PCGF5: variants seen among roughly 807,000 people sequenced by gnomAD.
The protein encoded by PCGF5 is polycomb group ring finger 5.
Under a neutral mutation model 44.3 loss-of-function variants are expected in PCGF5, and 9 were observed. The observed-to-expected ratio is 0.20, with a 90% CI of 0.12 to 0.35. PCGF5 has a LOEUF of 0.35. Ranked by LOEUF, PCGF5 falls within the 10% of genes least tolerant of loss-of-function variation. The pLI is 1.00. For synonymous variants in PCGF5, 95 were observed against 102.5 expected, an observed-to-expected ratio of 0.93 and a Z score of 0.44; for missense variants, 146 against 305.3, an observed-to-expected ratio of 0.48 and a Z score of 3.89.
chr10:91,275,031 A>G lies in PCGF5; in HGVS notation c.724-3238A>G, dbSNP rs150808844. ...AAAATATAGTTGAAGAACTGATCTC[A>G]GAGTGGGGATGGCCTTTCACGTTGT... On this transcript the variant is annotated intron_variant, in intron 9 of 9. Transcript: ENST00000336126. Among the ~76,000 whole-genome samples the G allele has an allele frequency of 1.5e-3, 232 of 152,332 alleles. 1 individual carries two copies. The highest frequency in any genetic ancestry group is 0.014 in the Middle Eastern group (4 of 294).
In PCGF5 at chr10:91,279,688, T is replaced by C. The variant is rs1267944245; in HGVS notation, c.*1372T>C. ...TGCTTTGAAACAAACAAGCTAACCT[T>C]TGAAACTTAGGAAAAAATCTTGAAA... On this transcript the variant is annotated 3_prime_UTR_variant, in exon 10 of 10. Transcript: ENST00000336126. The C allele has an allele frequency of 6.6e-6, 1 of 152,128 alleles. No homozygotes were observed. The highest frequency in any genetic ancestry group is 1.5e-5 in the Non-Finnish European group (1 of 67,964). The allele number at this position is 152,128 out of a possible 1,614,324, so 9.4% of individuals were successfully genotyped here. A position where few individuals can be genotyped will look rare whatever the true frequency, so the allele number is the denominator to read the frequency against.
intron 1 of PCGF5, among the ~76,000 whole-genome samples, chr10:91,202,835 T>G (rs932890858): frequency 6.6e-6 from 1 of 152,242 alleles, no homozygotes; most frequent in Non-Finnish European, 1.5e-5. Context: ...CTTTTAGATG[T>G]ATTTATGTTG....
In PCGF5 at chr10:91,220,715, G is replaced by C. The variant is rs975455442; in HGVS notation, c.-305G>C. 4 of 152,246 alleles carry C rather than the reference G, an allele frequency of 2.6e-5. No individual in the cohort carries two copies. Among genetic ancestry groups the C allele is most frequent in the African/African-American group, 9.7e-5 (4 of 41,416 alleles). The allele number at this position is 152,246 out of a possible 1,614,324, so 9.4% of individuals were successfully genotyped here. A position where few individuals can be genotyped will look rare whatever the true frequency, so the allele number is the denominator to read the frequency against. ...GAGCCGGCGCGCTCCCGCCTGCAGG[G>C]GGAGAGCAGACGGGGCGCGGGGACC... On this transcript the variant is annotated 5_prime_UTR_variant, in exon 1 of 10. Coordinates refer to ENST00000336126, the MANE Select transcript of PCGF5 (RefSeq NM_032373.5).
At chr10:91,233,109 C>A (rs1487861472) in intron 2 of PCGF5, among the ~76,000 whole-genome samples, 7 of 152,240 alleles carry the variant, frequency 4.6e-5, no homozygotes, top group Middle Eastern at 3.4e-3. Flanking sequence ...AAGAGTGACA[C>A]TATCAAGGGT....
intron 7 of PCGF5, among the ~76,000 whole-genome samples, chr10:91,262,272 A>G (rs1406783990): frequency 6.6e-6 from 1 of 152,078 alleles, no homozygotes; most frequent in Non-Finnish European, 1.5e-5. Flanking sequence ...CTAAAAATAT[A>G]AAAATTAGCC....
chr10:91,247,236 C>A (rs1031173581), intron 3 of PCGF5, among the ~76,000 whole-genome samples: 5 of 151,510 alleles, frequency 3.3e-5, no homozygotes, highest in Non-Finnish European at 7.4e-5. Context: ...TTAGACAACA[C>A]TGTCAAACTG....
At chr10:91,168,990 A>G (rs1278122480) in intron 1 of PCGF5, among the ~76,000 whole-genome samples, 2 of 148,424 alleles carry the variant, frequency 1.3e-5, no homozygotes, top group African/African-American at 4.9e-5. Flanking sequence ...CATTGTGCGT[A>G]GAGTGGTTGC....
At chr10:91,264,183 A>G (rs1845993501) in intron 7 of PCGF5, among the ~76,000 whole-genome samples, 1 of 152,156 alleles carries the variant, frequency 6.6e-6, no homozygotes, top group Admixed American at 6.6e-5. Flanking sequence ...AATTATGTGT[A>G]TGAACTTGAG....
rs1284810268 is a variant in PCGF5 at position 91,213,063 on chromosome 10, T to C, written c.-183-9626T>C. On this transcript the variant is annotated intron_variant, in intron 1 of 9. Coordinates refer to the PCGF5 transcript ENST00000614189. ...TATCTTATTCTGAATATTATAGATG[T>C]TTCCATATCTGGTATAGAGAGTGTT... Among the ~76,000 whole-genome samples the C allele has an allele frequency of 2.0e-5, 3 of 152,356 alleles. No homozygotes were observed. In the East Asian group the frequency reaches 5.8e-4, roughly 29 times the overall value.
upstream of PCGF5, among the ~76,000 whole-genome samples, chr10:91,216,340 G>A (rs952386494): frequency 1.3e-5 from 2 of 152,178 alleles, no homozygotes; most frequent in African/African-American, 4.8e-5. Context: ...AGGGTGAGGG[G>A]ATAAAGACAG....
chr10:91,262,623 G>A (rs1000857841), intron 7 of PCGF5, among the ~76,000 whole-genome samples: 3 of 152,166 alleles, frequency 2.0e-5, no homozygotes, highest in Admixed American at 1.3e-4. Flanking sequence ...CGCTGATCCT[G>A]AGCTTATTTG....
rs1844722191 is a variant in PCGF5, at chr10:91,222,982, A to G, written c.111A>G (p.Thr37=). ...CAACAGTGACGGAATGCCTCCATAC[A>G]TGTAAGTATTCTTTTAGGTTATTAT... is the stretch of plus-strand genomic sequence containing the variant. The part of the protein sequence containing the change: ...KPTTVTECLH[T]FCKTCIVQHF... The change falls in exon 2 of 10, where the codon ACA becomes ACG. Residue 37 remains threonine, a splice_region_variant and synonymous_variant. Coordinates refer to ENST00000336126, the MANE Select transcript of PCGF5 (RefSeq NM_032373.5). The G allele has an allele frequency of 1.3e-6, 2 of 1,561,264 alleles. No homozygotes were observed. Among genetic ancestry groups the G allele is most frequent in the East Asian group, 2.2e-5 (1 of 44,584 alleles).
chr10:91,159,284 A>G (rs943914142), upstream of PCGF5, among the ~76,000 whole-genome samples: 4 of 152,158 alleles, frequency 2.6e-5, no homozygotes, highest in Non-Finnish European at 5.9e-5. Flanking sequence ...AGTACTGTCT[A>G]TATGCCAGGC....
intron 1 of PCGF5, among the ~76,000 whole-genome samples, chr10:91,195,594 C>T (rs969463994): frequency 3.3e-5 from 5 of 151,642 alleles, no homozygotes; most frequent in African/African-American, 1.2e-4. Flanking sequence ...AAGTAATCCT[C>T]CACCTCATTT....
At chr10:91,263,155 A>G (rs1372679416) in intron 7 of PCGF5, among the ~76,000 whole-genome samples, 1 of 152,176 alleles carries the variant, frequency 6.6e-6, no homozygotes, top group Non-Finnish European at 1.5e-5. Context: ...GGGATTATTT[A>G]ATGAAATACC....
chr10:91,200,730 A>G (rs1844236607), intron 1 of PCGF5, among the ~76,000 whole-genome samples: 1 of 152,136 alleles, frequency 6.6e-6, no homozygotes, highest in African/African-American at 2.4e-5. Flanking sequence ...AGTTTATCCT[A>G]TATTCATCAC....
upstream of PCGF5, among the ~76,000 whole-genome samples, chr10:91,162,784 G>A (rs1242378306): frequency 6.6e-6 from 1 of 151,012 alleles, no homozygotes; most frequent in East Asian, 2.0e-4. Context: ...ATCAGGGAGT[G>A]CGGGCTGTGC....
chr10:91,235,573 C>T (rs956242316), intron 2 of PCGF5, among the ~76,000 whole-genome samples: 4 of 151,816 alleles, frequency 2.6e-5, no homozygotes, highest in African/African-American at 7.3e-5. Context: ...GCATGGTGGC[C>T]GATATGGTTT....
intron 1 of PCGF5, among the ~76,000 whole-genome samples, chr10:91,211,709 G>A (rs1844455361): frequency 6.6e-6 from 1 of 152,180 alleles, no homozygotes. Context: ...GGAGGAGGAG[G>A]GAGAGCATTC....
Sources: gnomAD v4.1 joint callset for allele counts (sites outside exome capture counted in the v4.1 genomes callset) on GRCh38, gnomAD v4.1.1 for gene constraint, MANE v1.5 for transcripts, NCBI Gene and HGNC (gene_info 2026-07-23, HGNC 2026-07-21) for gene names.